The following MACROD2 variants were observed in gnomAD, a reference collection of about 807,000 sequenced individuals.
MACROD2 encodes the protein mono-ADP ribosylhydrolase 2.
MACROD2 carries 36 observed loss-of-function variants against 70.4 expected under a neutral mutation model. The ratio of observed to expected loss-of-function variants is 0.51; its 90% CI spans 0.39 to 0.68. The LOEUF is 0.68. Ranked by LOEUF, MACROD2 falls within the 30% of genes least tolerant of loss-of-function variation. MACROD2 has a pLI of 0.00. For synonymous variants in MACROD2, 172 were observed against 178.8 expected, an observed-to-expected ratio of 0.96 and a Z score of 0.30; for missense variants, 496 against 538.4, an observed-to-expected ratio of 0.92 and a Z score of 0.78.
Position 14,373,407 on chromosome 20 carries a change from A to G in MACROD2, c.272-120072A>G, listed in dbSNP as rs142959948. On this transcript the variant is annotated intron_variant, in intron 3 of 17. Coordinates refer to ENST00000684519, the MANE Select transcript of MACROD2 (RefSeq NM_001351661.2). ...GTATTATATACAAAAATAATGGCAAATGTTATGAATTGTCTCTAGTATTTT... is the reference window on the plus strand; with the variant it reads ...GTATTATATACAAAAATAATGGCAAGTGTTATGAATTGTCTCTAGTATTTT... 2.0e-3 allele frequency among the ~76,000 whole-genome samples: 312 copies of G among 152,260 alleles called. 2 individuals carry two copies. Among genetic ancestry groups the G allele is most frequent in the African/African-American group, 7.3e-3 (304 of 41,550 alleles).
At chr20:14,323,540 A>G (rs144486385) in intron 3 of MACROD2, 1 of 152,226 alleles carries the variant, frequency 6.6e-6, no homozygotes, top group East Asian at 1.9e-4. Context: ...GATCAACTTA[A>G]TCTTCATCCA....
At position 15,538,421 on chromosome 20, in the gene MACROD2, G is replaced by A. The variant is rs115967094; in HGVS notation, c.645+38574G>A. On this transcript the variant is annotated intron_variant, in intron 8 of 17. Transcript: ENST00000684519. ...TTTCTTGCTCAATGACCAAATAGAG[G>A]GTGATTCTATTAACCCCTTTTTAGA... Among the ~76,000 whole-genome samples, 644 of 152,248 alleles carry A rather than the reference G, an allele frequency of 4.2e-3. 4 individuals carry two copies. The highest frequency in any genetic ancestry group is 0.014 in the African/African-American group (569 of 41,556).
chr20:14,700,624 G>A (rs1441836331), intron 5 of MACROD2, among the ~76,000 whole-genome samples: 1 of 151,956 alleles, frequency 6.6e-6, no homozygotes, highest in Non-Finnish European at 1.5e-5. Context: ...TTCGTGATGA[G>A]TGCATTTATT....
intron 5 of MACROD2, among the ~76,000 whole-genome samples, chr20:14,962,002 C>T (rs967228274): frequency 2.6e-5 from 4 of 151,736 alleles, no homozygotes; most frequent in Non-Finnish European, 4.4e-5. Flanking sequence ...GTTTTTGAGA[C>T]GGAGTCTCAC....
At chr20:14,037,893 T>G (rs2053337198) in intron 2 of MACROD2, among the ~76,000 whole-genome samples, 1 of 151,470 alleles carries the variant, frequency 6.6e-6, no homozygotes, top group Non-Finnish European at 1.5e-5. Context: ...TGCGAGCCTG[T>G]AGCCTCGGCT....
At position 16,044,621 on chromosome 20, in the gene MACROD2, C is replaced by A. The variant is rs1555812695; in HGVS notation, c.1282C>A (p.Gln428Lys). ...GGTAAATGACCCAACAGAGAGTCAA[C>A]AAGAAGATCAACTAATAGGTAAGAT... ...DKVNDPTESQ[Q>K]EDQLIAGAQD... is the part of the protein sequence containing the mutation. Residue 428 changes from glutamine to lysine, a missense_variant, in exon 17 of 18, where the codon CAA (glutamine) becomes AAA (lysine). Gln to Lys is a moderately conservative substitution (Grantham distance 53). Coordinates refer to ENST00000684519, the MANE Select transcript of MACROD2 (RefSeq NM_001351661.2). 6.2e-7 allele frequency: 1 copy of A among 1,611,574 alleles called. No individual in the cohort carries two copies. Among genetic ancestry groups the A allele is most frequent in the Admixed American group, 1.7e-5 (1 of 59,804 alleles).
intron 8 of MACROD2, among the ~76,000 whole-genome samples, chr20:15,648,439 C>T (rs1305979116): frequency 2.0e-5 from 3 of 152,138 alleles, no homozygotes; most frequent in Non-Finnish European, 4.4e-5. Context: ...ATTTATTTCT[C>T]ATCTCTGTGG....
chr20:15,525,565 A>G (rs994399483), intron 8 of MACROD2, among the ~76,000 whole-genome samples: 16 of 152,240 alleles, frequency 1.1e-4, no homozygotes, highest in Admixed American at 2.6e-4. Flanking sequence ...ACCCAAAGCA[A>G]TTGAATGCAG....
chr20:14,613,238 T>C (rs1835815889), intron 4 of MACROD2, among the ~76,000 whole-genome samples: 2 of 152,148 alleles, frequency 1.3e-5, no homozygotes, highest in Admixed American at 1.3e-4. Flanking sequence ...TGAATGTATA[T>C]GAGAAATACA....
chr20:14,297,740 A>G (rs2122474848), intron 3 of MACROD2, among the ~76,000 whole-genome samples: 1 of 152,082 alleles, frequency 6.6e-6, no homozygotes, highest in East Asian at 1.9e-4. Flanking sequence ...GTTATCAAGA[A>G]GATCTAGCTA....
intron 3 of MACROD2, among the ~76,000 whole-genome samples, chr20:14,117,165 G>T (rs187945909): frequency 2.0e-5 from 3 of 151,016 alleles, no homozygotes; most frequent in Admixed American, 2.0e-4. Flanking sequence ...TTTCCCTATC[G>T]CTTTATCTTT....
intron 5 of MACROD2, among the ~76,000 whole-genome samples, chr20:14,902,894 G>A (rs2073913299): frequency 6.6e-6 from 1 of 152,028 alleles, no homozygotes; most frequent in Non-Finnish European, 1.5e-5. Context: ...GGTAAATGGA[G>A]AGGGTACCAT....
At chr20:14,158,202 A>G (rs951338677) in intron 3 of MACROD2, among the ~76,000 whole-genome samples, 2 of 151,996 alleles carry the variant, frequency 1.3e-5, no homozygotes, top group Non-Finnish European at 2.9e-5. Context: ...TTTTTCATAT[A>G]CTTGTTGGTC....
chr20:15,226,078 A>C (rs2076903497), intron 5 of MACROD2, among the ~76,000 whole-genome samples: 1 of 152,218 alleles, frequency 6.6e-6, no homozygotes, highest in Non-Finnish European at 1.5e-5. Flanking sequence ...TCTTTAGCTC[A>C]GTTCCTGATA....
chr20:14,069,706 G>A (rs2053813643), intron 2 of MACROD2, among the ~76,000 whole-genome samples: 1 of 145,976 alleles, frequency 6.9e-6, no homozygotes, highest in Non-Finnish European at 1.5e-5. Context: ...CAGGAACTCA[G>A]AATGTGCTTA....
rs376463841 is a variant in MACROD2 at position 15,130,287 on chromosome 20, A to T, written c.419-99653A>T. On this transcript the variant is annotated intron_variant, in intron 5 of 17. Transcript: ENST00000684519. ...ACCCATCCATCCATCTAGTCCAAGG[A>T]GGAAAAAACTCCCGATCGTCAATGA... Among the ~76,000 whole-genome samples the T allele has an allele frequency of 3.4e-4, 52 of 152,094 alleles. No individual in the cohort carries two copies. In the East Asian group the frequency reaches 3.5e-3, roughly 10 times the overall value.
chr20:15,254,923 G>A (rs893919721), intron 6 of MACROD2, among the ~76,000 whole-genome samples: 16 of 133,254 alleles, frequency 1.2e-4, no homozygotes, highest in Non-Finnish European at 2.2e-4. Context: ...TGGGGCCAAA[G>A]CACACCTTTT....
At chr20:14,817,859 C>G (rs773549913) in intron 5 of MACROD2, among the ~76,000 whole-genome samples, 9 of 152,080 alleles carry the variant, frequency 5.9e-5, no homozygotes, top group Non-Finnish European at 1.0e-4. Flanking sequence ...CACTTACCAG[C>G]CTGCCATGCA....
chr20:15,469,846 T>TC (rs1185356231), intron 7 of MACROD2, among the ~76,000 whole-genome samples: 13 of 152,302 alleles, frequency 8.5e-5, no homozygotes, highest in African/African-American at 2.9e-4. Flanking sequence ...CTAAAGGTTT[T>TC]CTTTTTTTAA....
Sources: gnomAD v4.1 joint callset for allele counts (sites outside exome capture counted in the v4.1 genomes callset) on GRCh38, gnomAD v4.1.1 for gene constraint, MANE v1.5 for transcripts, NCBI Gene and HGNC (gene_info 2026-07-23, HGNC 2026-07-21) for gene names.